Variants in ADRA1B observed in about 807,000 individuals in gnomAD.
ADRA1B encodes the protein adrenoceptor alpha 1B.
A neutral mutation model predicts 17.9 loss-of-function variants in ADRA1B; 17 were observed. The observed-to-expected ratio is 0.95, with a 90% CI of 0.65 to 1.42. ADRA1B has a LOEUF of 1.42. ADRA1B is among the 40% of genes most tolerant of loss of function. The probability of loss-of-function intolerance (pLI) is 0.00; values close to 1 mark genes in which losing one functional copy is unlikely to be tolerated. For missense variants in ADRA1B, 681 were observed against 722.1 expected (o/e 0.94, Z 0.65); for synonymous variants, 366 against 327.6 (o/e 1.12, Z -1.27).
chr5:159,877,542 T>C (rs974703991), intron 1 of ADRA1B, among the ~76,000 whole-genome samples: 2 of 152,180 alleles, frequency 1.3e-5, no homozygotes, highest in African/African-American at 4.8e-5. Flanking sequence ...TCATATCTCA[T>C]TGGGTCCTTC....
chr5:159,976,927 C>T (rs1308095799), downstream of ADRA1B, among the ~76,000 whole-genome samples: 2 of 152,156 alleles, frequency 1.3e-5, no homozygotes, highest in Non-Finnish European at 2.9e-5. Flanking sequence ...TTGAGGCCAA[C>T]CACTTTGTCT....
At chr5:159,904,613 T>C (rs576865740) in intron 1 of ADRA1B, among the ~76,000 whole-genome samples, 1 of 152,242 alleles carries the variant, frequency 6.6e-6, no homozygotes, top group Non-Finnish European at 1.5e-5. Flanking sequence ...TTAGCATTAC[T>C]GAGTGAGCCT....
At position 159,888,736 on chromosome 5, in the gene ADRA1B, C is replaced by A. The variant is rs571829788; in HGVS notation, c.-256+23530C>A. The stretch of plus-strand genomic sequence containing the variant: ...CCCAGGAATGCACTTATGACTGCAC[C>A]ACTGGGGGTGCCAGGAAGGGTGATG... On this transcript the variant is annotated intron_variant, in intron 1 of 2. Coordinates refer to the ADRA1B transcript ENST00000641205. 2.1e-4 allele frequency among the ~76,000 whole-genome samples: 32 copies of A among 152,254 alleles called. 1 individual carries two copies. The South Asian group carries it at 6.6e-3, about 32-fold the overall frequency.
intron 1 of ADRA1B, among the ~76,000 whole-genome samples, chr5:159,865,954 A>C (rs1753647127): frequency 6.6e-6 from 1 of 152,202 alleles, no homozygotes; most frequent in Non-Finnish European, 1.5e-5. Context: ...ATGTTTTTTA[A>C]ATACTCTTTC....
chr5:159,883,451 A>T (rs1015382944), intron 1 of ADRA1B, among the ~76,000 whole-genome samples: 2 of 152,222 alleles, frequency 1.3e-5, no homozygotes, highest in African/African-American at 4.8e-5. Flanking sequence ...TCAAACTTAG[A>T]GTCAGTTCAG....
At chr5:159,964,732 T>C (rs1755742650) in intron 1 of ADRA1B, among the ~76,000 whole-genome samples, 1 of 152,178 alleles carries the variant, frequency 6.6e-6, no homozygotes, top group African/African-American at 2.4e-5. Context: ...TCAGCTGGTA[T>C]TGGAAAGAGC....
At chr5:159,872,718 T>C (rs1231146731) in intron 1 of ADRA1B, among the ~76,000 whole-genome samples, 4 of 152,122 alleles carry the variant, frequency 2.6e-5, no homozygotes, top group African/African-American at 9.7e-5. Flanking sequence ...GAGAGGCAGT[T>C]TCATGGCTCT....
At chr5:159,909,602 C>G (rs1429683054) in intron 1 of ADRA1B, among the ~76,000 whole-genome samples, 3 of 152,234 alleles carry the variant, frequency 2.0e-5, no homozygotes, top group East Asian at 3.8e-4. Context: ...ATGTCAGACA[C>G]AATTCTCTAT....
chr5:159,948,619 C>A, intron 1 of ADRA1B: 1 of 296,798 alleles, frequency 3.4e-6, no homozygotes, highest in Non-Finnish European at 5.0e-6. Flanking sequence ...TTTATTCAGC[C>A]ATTTTTCTAT....
chr5:159,948,340 G>A (rs1755332259), intron 1 of ADRA1B: 1 of 985,342 alleles, frequency 1.0e-6, no homozygotes, highest in Non-Finnish European at 1.2e-6. Flanking sequence ...GAGTTTCCTG[G>A]TATCTCAACA....
In ADRA1B at chr5:159,972,285, C is replaced by T; in HGVS notation, c.1356C>T (p.Ala452=). The T allele has an allele frequency of 7.3e-7, 1 of 1,372,504 alleles. No individual in the cohort carries two copies. The highest frequency in any genetic ancestry group is 9.4e-7 in the Non-Finnish European group (1 of 1,065,992). The allele number at this position is 1,372,504 out of a possible 1,614,324, so 85.0% of individuals were successfully genotyped here. A position where few individuals can be genotyped will look rare whatever the true frequency, so the allele number is the denominator to read the frequency against. Reference sequence around the variant, plus strand: ...TCCCCGAGTGGAAGGCGCCCGGCGCCCTCCTGAGCCTGCCCGCGCCTGAGC... The same window carrying T: ...TCCCCGAGTGGAAGGCGCCCGGCGCTCTCCTGAGCCTGCCCGCGCCTGAGC... The part of the protein sequence containing the change: ...CAFPEWKAPG[A]LLSLPAPEPP... The change falls in exon 2 of 2, where the codon GCC becomes GCT. Residue 452 remains alanine, a synonymous_variant. Coordinates refer to ENST00000306675, the MANE Select transcript of ADRA1B (RefSeq NM_000679.4).
At chr5:159,946,426 G>A (rs1288907053) in intron 1 of ADRA1B, among the ~76,000 whole-genome samples, 4 of 152,186 alleles carry the variant, frequency 2.6e-5, no homozygotes, top group Non-Finnish European at 5.9e-5. Flanking sequence ...ACACATCCCG[G>A]TAAGCAGCAC....
At chr5:159,877,302 G>A (rs1457013551) in intron 1 of ADRA1B, among the ~76,000 whole-genome samples, 1 of 152,078 alleles carries the variant, frequency 6.6e-6, no homozygotes, top group Non-Finnish European at 1.5e-5. Context: ...GAAGACCCGG[G>A]GACAATAGGA....
chr5:159,892,106 G>T (rs1224854642), intron 1 of ADRA1B, among the ~76,000 whole-genome samples: 1 of 152,084 alleles, frequency 6.6e-6, no homozygotes, highest in African/African-American at 2.4e-5. Flanking sequence ...GCGTGGTGGC[G>T]CACACCTGAA....
chr5:159,865,580 C>A (rs913877637), intron 1 of ADRA1B, among the ~76,000 whole-genome samples: 6 of 152,204 alleles, frequency 3.9e-5, no homozygotes. Context: ...TAGCCTATCA[C>A]AACTGCATTG....
chr5:159,873,548 C>T (rs1753772382), intron 1 of ADRA1B, among the ~76,000 whole-genome samples: 1 of 152,226 alleles, frequency 6.6e-6, no homozygotes, highest in African/African-American at 2.4e-5. Context: ...CAACTTCTGC[C>T]TCTGTTCAAT....
chr5:159,900,656 G>A (rs952486328), intron 1 of ADRA1B, among the ~76,000 whole-genome samples: 2 of 152,202 alleles, frequency 1.3e-5, no homozygotes, highest in Non-Finnish European at 2.9e-5. Flanking sequence ...GAGAGAGTCA[G>A]CAAAGGGGAG....
chr5:159,916,626 G>T lies in ADRA1B; in HGVS notation c.-280G>T, dbSNP rs1268584934. 1 of 156,774 alleles carries T rather than the reference G, an allele frequency of 6.4e-6. No homozygotes were observed. The highest frequency in any genetic ancestry group is 2.2e-4 in the East Asian group (1 of 4,538). 9.7% of individuals were successfully genotyped at this position (156,774 alleles called of 1,614,324 possible). The stretch of plus-strand genomic sequence containing the variant: ...GCCCCCTCCTCCCCGCCGCTCCCCC[G>T]CGAGCCCGGCCAGGCGCGCCTGACG... On this transcript the variant is annotated 5_prime_UTR_variant, in exon 1 of 2. Coordinates refer to ENST00000306675, the MANE Select transcript of ADRA1B (RefSeq NM_000679.4).
intron 1 of ADRA1B, among the ~76,000 whole-genome samples, chr5:159,925,238 C>T (rs1357893675): frequency 4.6e-5 from 7 of 152,082 alleles, no homozygotes; most frequent in African/African-American, 7.2e-5. Context: ...TGTGGCTGCC[C>T]GTCATTCAGC....
Sources: allele counts gnomAD v4.1 joint callset (sites outside exome capture counted in the v4.1 genomes callset), GRCh38; gene constraint gnomAD v4.1.1; transcripts MANE v1.5; gene names NCBI Gene and HGNC (gene_info 2026-07-23, HGNC 2026-07-21).